The following CSPP1 variants were observed in gnomAD, a reference collection of about 807,000 sequenced individuals.
CSPP1 encodes the protein centrosome and spindle pole-associated protein 1.
A neutral mutation model predicts 164.4 loss-of-function variants in CSPP1; 126 were observed. The ratio of observed to expected loss-of-function variants is 0.77; its 90% CI spans 0.66 to 0.89. The LOEUF (loss-of-function observed/expected upper bound fraction) is 0.89, where lower values mean the gene tolerates loss of function less well. Ranked by LOEUF, CSPP1 falls within the 40% of genes least tolerant of loss-of-function variation. The probability of loss-of-function intolerance (pLI) is 0.00; values close to 1 mark genes in which losing one functional copy is unlikely to be tolerated. For missense variants in CSPP1, 1,395 were observed against 1,449.8 expected (o/e 0.96, Z 0.61); for synonymous variants, 472 against 476.7 (o/e 0.99, Z 0.13).
At chr8:67,121,973 G>T (rs1331740669) in intron 15 of CSPP1, among the ~76,000 whole-genome samples, 1 of 151,960 alleles carries the variant, frequency 6.6e-6, no homozygotes, top group South Asian at 2.1e-4. Context: ...TTCCCTTACA[G>T]TCCTTTCTTA....
At chr8:67,101,271 A>G (rs1466929250) in intron 7 of CSPP1, among the ~76,000 whole-genome samples, 5 of 152,192 alleles carry the variant, frequency 3.3e-5, no homozygotes, top group South Asian at 4.1e-4. Context: ...AGCATAAACT[A>G]TAGTTTGTGT....
chr8:67,145,336 A>G (rs1824306478), intron 17 of CSPP1, among the ~76,000 whole-genome samples: 1 of 151,628 alleles, frequency 6.6e-6, no homozygotes, highest in Admixed American at 6.6e-5. Flanking sequence ...TAATTTGTAT[A>G]TTTTCTTAAT....
At position 67,118,296 on chromosome 8, in the gene CSPP1, C is replaced by G; in HGVS notation, c.1545C>G (p.Asn515Lys). ...PPPLLPPLAT[N>K]YRTPYDDAYY... ...CCCTACTACCACCTTTGGCTACTAA[C>G]TATCGAACTCCTTATGATGATGCAT... Residue 515 changes from asparagine to lysine, a missense_variant, in exon 14 of 31, where the codon AAC becomes AAG. Asn to Lys is a moderately conservative substitution (Grantham distance 94). Transcript: ENST00000678616. 10 of 1,613,446 alleles carry G rather than the reference C, an allele frequency of 6.2e-6. No homozygotes were observed. The highest frequency in any genetic ancestry group is 8.5e-6 in the Non-Finnish European group (10 of 1,179,438).
intron 16 of CSPP1, among the ~76,000 whole-genome samples, chr8:67,136,298 G>A (rs1445308456): frequency 1.3e-5 from 2 of 152,072 alleles, no homozygotes; most frequent in South Asian, 2.1e-4. Flanking sequence ...GTGGCCAGGC[G>A]TGGTGGCTCA....
chr8:67,135,051 C>G (rs1034791466), intron 16 of CSPP1: 1 of 152,208 alleles, frequency 6.6e-6, no homozygotes, highest in Non-Finnish European at 1.5e-5. Context: ...TGTTTTGTCT[C>G]CATTGAATAT....
intron 2 of CSPP1, 91 bp from the exon 3 acceptor site, chr8:67,076,391 C>T: frequency 1.6e-6 from 1 of 632,150 alleles, no homozygotes; most frequent in African/African-American, 1.9e-5. Flanking sequence ...TGTGTAATTT[C>T]ATCAAGCTGT....
intron 15 of CSPP1, among the ~76,000 whole-genome samples, chr8:67,125,299 C>T (rs1237612717): frequency 6.6e-6 from 1 of 152,110 alleles, no homozygotes; most frequent in Non-Finnish European, 1.5e-5. Context: ...TATCCCCTAG[C>T]CTTTATGGTT....
intron 1 of CSPP1, chr8:67,064,922 C>T: frequency 6.0e-6 from 1 of 166,804 alleles, no homozygotes; most frequent in Non-Finnish European, 1.3e-5. Flanking sequence ...CCACTGCGGT[C>T]GCTGCTGCCC....
rs763390190 is a variant in CSPP1, at chr8:67,193,564, G to A, written c.3431G>A (p.Arg1144Gln). ...AGAGTGAGAAATGAGGAACGAATGC[G>A]AAGACTGAATGAATTTCACAATAAA... ...ELRVRNEERM[R>Q]RLNEFHNKPI... Residue 1144 changes from arginine (R) to glutamine (Q), a missense_variant, in exon 30 of 31, where the codon CGA becomes CAA. Coordinates refer to ENST00000678616, the MANE Select transcript of CSPP1 (RefSeq NM_001382391.1). 67 of 1,613,746 alleles carry A rather than the reference G, an allele frequency of 4.2e-5. No individual in the cohort carries two copies. Among genetic ancestry groups the A allele is most frequent in the African/African-American group, 1.7e-4 (13 of 75,036 alleles).
In CSPP1 at chr8:67,137,547, C is replaced by T; in HGVS notation, c.1919C>T (p.Pro640Leu). The T allele has an allele frequency of 1.9e-6, 3 of 1,591,708 alleles. No individual in the cohort carries two copies. Among genetic ancestry groups the T allele is most frequent in the Non-Finnish European group, 2.6e-6 (3 of 1,168,726 alleles). ...GAAGCTGAAATGAGAACATATAATC[C>T]CTGGGGAAAAGGTGGAGGTGGTGCT... is the stretch of plus-strand genomic sequence containing the variant. ...KLEAEMRTYN[P>L]WGKGGGGAPL... Residue 640 changes from proline to leucine, a missense_variant, in exon 17 of 31, where the codon CCC becomes CTC. Pro to Leu is a moderately conservative substitution (Grantham distance 98, BLOSUM62 -3). Transcript: ENST00000678616.
At chr8:67,162,169 A>G (rs149367849) in intron 22 of CSPP1, among the ~76,000 whole-genome samples, 251 of 152,274 alleles carry the variant, frequency 1.6e-3, no homozygotes, top group African/African-American at 5.8e-3. Context: ...AGTCTGTTAT[A>G]CTTTAGATTG....
Position 67,195,322 on chromosome 8 carries a change from G to A in CSPP1, c.3470-60G>A, listed in dbSNP as rs145624133. On this transcript the variant is annotated intron_variant, in intron 30 of 30. Transcript: ENST00000678616. ...ATGAGTTGGACTACAAGAGACCTGC[G>A]CTTATGTCTCCTGCCTGCCACCTGT... is the stretch of plus-strand genomic sequence containing the variant. The A allele has an allele frequency of 3.7e-4, 380 of 1,018,116 alleles. 3 individuals carry two copies. The East Asian group carries it at 8.8e-3, about 23-fold the overall frequency. The allele number at this position is 1,018,116 out of a possible 1,614,324, so 63.1% of individuals were successfully genotyped here.
intron 23 of CSPP1, 66 bp from the exon 24 acceptor site, chr8:67,164,325 G>A (rs183267878): frequency 1.3e-6 from 1 of 771,290 alleles, no homozygotes; most frequent in East Asian, 2.4e-5. Context: ...GTCAGGTTGT[G>A]TTTTAATGTT....
chr8:67,131,521 T>G (rs1473351842), intron 15 of CSPP1, among the ~76,000 whole-genome samples: 1 of 152,252 alleles, frequency 6.6e-6, no homozygotes, highest in African/African-American at 2.4e-5. Flanking sequence ...GACTTTTTCC[T>G]GTAATTACAT....
At chr8:67,190,308 G>A (rs1182354178) in intron 28 of CSPP1, among the ~76,000 whole-genome samples, 1 of 152,206 alleles carries the variant, frequency 6.6e-6, no homozygotes, top group East Asian at 1.9e-4. Context: ...ATTGCTAAGT[G>A]AAAAGACAAA....
intron 17 of CSPP1, among the ~76,000 whole-genome samples, chr8:67,148,522 C>A (rs373835798): frequency 6.6e-6 from 1 of 152,306 alleles, no homozygotes; most frequent in South Asian, 2.1e-4. Context: ...TATACATTTT[C>A]CAAGTCCAAG....
At chr8:67,133,177 G>A (rs1821580879) in intron 16 of CSPP1, among the ~76,000 whole-genome samples, 1 of 152,136 alleles carries the variant, frequency 6.6e-6, no homozygotes, top group Admixed American at 6.5e-5. Flanking sequence ...CTATGCTGGA[G>A]CAAAAGGTTG....
chr8:67,171,399 C>CAA (rs1228742360), intron 24 of CSPP1, among the ~76,000 whole-genome samples: 1 of 151,294 alleles, frequency 6.6e-6, no homozygotes, highest in African/African-American at 2.4e-5. Flanking sequence ...GACTCCACCT[C>CAA]AAAAAAAGAG....
intron 17 of CSPP1, 48 bp downstream of exon 17, chr8:67,137,651 T>C (rs765109681): frequency 2.3e-6 from 3 of 1,330,920 alleles, no homozygotes; most frequent in Non-Finnish European, 3.0e-6. Flanking sequence ...AAATTATTTT[T>C]AACTTTTTAA....
Sources: gnomAD v4.1 joint callset for allele counts (sites outside exome capture counted in the v4.1 genomes callset) on GRCh38, gnomAD v4.1.1 for gene constraint, MANE v1.5 for transcripts, NCBI Gene and HGNC (gene_info 2026-07-23, HGNC 2026-07-21) for gene names.